PTPRK: variants seen among roughly 807,000 people sequenced by gnomAD.
The protein encoded by PTPRK is receptor-type tyrosine-protein phosphatase kappa.
In PTPRK, 75 loss-of-function variants were observed where a neutral mutation model predicts 178.0. That is an observed-to-expected ratio of 0.42 (90% confidence interval 0.35 to 0.51). The LOEUF is 0.51. PTPRK is among the 20% of genes least tolerant of loss of function. PTPRK has a pLI of 0.02. For synonymous variants in PTPRK, 637 were observed against 620.6 expected (o/e 1.03, Z -0.39); for missense variants, 1,441 against 1,797.8 (o/e 0.80, Z 3.59).
intron 10 of PTPRK, among the ~76,000 whole-genome samples, chr6:128,080,110 T>TA (rs772366329): frequency 3.3e-5 from 5 of 151,504 alleles, no homozygotes; most frequent in South Asian, 2.1e-4. Context: ...AGCCAAATAT[T>TA]AAAAAAAGGG....
intron 7 of PTPRK, among the ~76,000 whole-genome samples, chr6:128,092,881 A>G (rs1787225347): frequency 6.6e-6 from 1 of 152,184 alleles, no homozygotes; most frequent in African/African-American, 2.4e-5. Context: ...TAAAATCAAA[A>G]TAATTACTTG....
chr6:128,386,885 T>C (rs113887374), intron 2 of PTPRK, among the ~76,000 whole-genome samples: 2 of 152,146 alleles, frequency 1.3e-5, no homozygotes, highest in African/African-American at 4.8e-5. Flanking sequence ...CTGGCCAACA[T>C]GGTGAAACTC....
At chr6:128,231,762 T>C (rs191857308) in intron 5 of PTPRK, among the ~76,000 whole-genome samples, 22 of 152,324 alleles carry the variant, frequency 1.4e-4, no homozygotes, top group African/African-American at 4.8e-4. Context: ...ATGGTTCTAA[T>C]AGACAAATGC....
At chr6:128,031,691 GT>G (rs1337761407) in intron 13 of PTPRK, among the ~76,000 whole-genome samples, 1 of 152,128 alleles carries the variant, frequency 6.6e-6, no homozygotes, top group Non-Finnish European at 1.5e-5. Context: ...ACTTCCAAAT[GT>G]TTCTACAATC....
At chr6:128,015,344 AATTC>A (rs1779486902) in intron 13 of PTPRK, among the ~76,000 whole-genome samples, 1 of 151,728 alleles carries the variant, frequency 6.6e-6, no homozygotes, top group South Asian at 2.1e-4. Flanking sequence ...CTTCCCACTA[AATTC>A]ATTCAATTAG....
At chr6:128,288,651 T>TA (rs1453578280) in intron 3 of PTPRK, among the ~76,000 whole-genome samples, 1 of 152,062 alleles carries the variant, frequency 6.6e-6, no homozygotes, top group Non-Finnish European at 1.5e-5. Context: ...ACCCCTCAAA[T>TA]AAAAATGATG....
intron 13 of PTPRK, among the ~76,000 whole-genome samples, chr6:128,014,327 G>T (rs1435271595): frequency 2.0e-5 from 3 of 151,596 alleles, no homozygotes; most frequent in African/African-American, 7.3e-5. Context: ...TGCAAGAAAA[G>T]TCCAGTGTCA....
At chr6:128,256,798 C>T (rs2128291726) in intron 3 of PTPRK, among the ~76,000 whole-genome samples, 1 of 152,164 alleles carries the variant, frequency 6.6e-6, no homozygotes, top group South Asian at 2.1e-4. Context: ...TGATTCCAAG[C>T]AGTTTTAAAA....
chr6:128,185,689 T>G (rs1484189615), intron 6 of PTPRK, among the ~76,000 whole-genome samples: 3 of 152,152 alleles, frequency 2.0e-5, no homozygotes, highest in Non-Finnish European at 4.4e-5. Context: ...TTTTAAGAGT[T>G]GGAGCAAATC....
At chr6:128,223,583 C>T (rs891653967) in intron 5 of PTPRK, among the ~76,000 whole-genome samples, 9 of 151,972 alleles carry the variant, frequency 5.9e-5, no homozygotes, top group African/African-American at 2.2e-4. Context: ...GTACAAAAGA[C>T]TTATGTGATA....
intron 13 of PTPRK, among the ~76,000 whole-genome samples, chr6:128,025,351 T>A (rs1300415882): frequency 6.6e-6 from 1 of 152,204 alleles, no homozygotes; most frequent in African/African-American, 2.4e-5. Flanking sequence ...GAGACACACA[T>A]TCTTATACAT....
intron 1 of PTPRK, among the ~76,000 whole-genome samples, chr6:128,422,120 C>T (rs898627683): frequency 6.6e-6 from 1 of 152,196 alleles, no homozygotes; most frequent in Non-Finnish European, 1.5e-5. Flanking sequence ...TTTAATTTTT[C>T]ATGATGCATT....
chr6:127,996,924 T>C lies in PTPRK; in HGVS notation c.2744A>G (p.Asn915Ser). Residue 915 changes from asparagine to serine, a missense_variant, in exon 17 of 30, where the codon AAC becomes AGC. This residue lies in a region of PTPRK where 945 missense variants were observed against 1,080.6 expected (regional missense o/e 0.87). Coordinates refer to ENST00000368226, the MANE Select transcript of PTPRK (RefSeq NM_002844.4). Reference sequence around the variant, plus strand: ...ACATGCTATAATGTTTCCATATCGGTTTTTTGCTCTATTTTGATCTTTTTT... The same window carrying C: ...ACATGCTATAATGTTTCCATATCGGCTTTTTGCTCTATTTTGATCTTTTTT... ...VAKKDQNRAK[N>S]RYGNIIAYDH... The C allele has an allele frequency of 3.7e-6, 6 of 1,611,196 alleles. No individual in the cohort carries two copies. The highest frequency in any genetic ancestry group is 5.1e-6 in the Non-Finnish European group (6 of 1,178,480).
chr6:128,489,884 A>G (rs2128428509), intron 1 of PTPRK, among the ~76,000 whole-genome samples: 1 of 152,322 alleles, frequency 6.6e-6, no homozygotes, highest in South Asian at 2.1e-4. Context: ...ATTTTCAGGA[A>G]GCTTCCCACA....
At chr6:128,301,677 A>C (rs1020567456) in intron 3 of PTPRK, among the ~76,000 whole-genome samples, 1 of 152,208 alleles carries the variant, frequency 6.6e-6, no homozygotes, top group Non-Finnish European at 1.5e-5. Context: ...AAGTAATTCT[A>C]TAAATGCACA....
Position 128,184,440 on chromosome 6 carries a change from T to C in PTPRK, c.1154A>G (p.Lys385Arg). ...CTGCTACTCAGTCTTACCTGCACAT[T>C]TTGTTCTGGTGATTAGTGGAGGTCC... The part of the protein sequence containing the change: ...LPGPPLITRT[K>R]CAEPMRTPKT... The change falls in exon 7 of 30, where the codon AAA becomes AGA. Residue 385 changes from lysine (K) to arginine (R), a missense_variant. Physicochemically the swap from Lys to Arg is conservative, Grantham distance 26. Around this residue, in one of 4 missense-constraint regions of PTPRK, gnomAD observed 945 missense variants for 1,080.6 expected, o/e 0.87. Transcript: ENST00000368226. 6.2e-7 allele frequency: 1 copy of C among 1,613,382 alleles called. No homozygotes were observed. Among genetic ancestry groups the C allele is most frequent in the Non-Finnish European group, 8.5e-7 (1 of 1,179,630 alleles).
chr6:128,355,143 T>A (rs1466717766), intron 2 of PTPRK, among the ~76,000 whole-genome samples: 1 of 152,214 alleles, frequency 6.6e-6, no homozygotes, highest in African/African-American at 2.4e-5. Context: ...CACCTAAACA[T>A]TCTTTAAATG....
At chr6:128,458,636 G>A (rs993576097) in intron 1 of PTPRK, among the ~76,000 whole-genome samples, 1 of 152,040 alleles carries the variant, frequency 6.6e-6, no homozygotes, top group East Asian at 1.9e-4. Flanking sequence ...TGTGGTGAAC[G>A]GTGTATTAAT....
chr6:128,089,199 G>C (rs1255051502), intron 8 of PTPRK, among the ~76,000 whole-genome samples: 5 of 152,134 alleles, frequency 3.3e-5, no homozygotes, highest in Non-Finnish European at 7.4e-5. Flanking sequence ...CTTGACCTCA[G>C]GTGATCCACC....
Sources: allele counts gnomAD v4.1 joint callset (sites outside exome capture counted in the v4.1 genomes callset), GRCh38; gene constraint gnomAD v4.1.1; regional missense constraint gnomAD v4.1.1; transcripts MANE v1.5; gene names NCBI Gene and HGNC (gene_info 2026-07-23, HGNC 2026-07-21).